The following DNAH6 variants were observed in gnomAD, a reference collection of about 807,000 sequenced individuals.
DNAH6 encodes the protein dynein axonemal heavy chain 6.
In DNAH6, 340 loss-of-function variants were observed where a neutral mutation model predicts 491.4. The observed-to-expected ratio is 0.69, with a 90% CI of 0.63 to 0.76. The LOEUF is 0.76. Among genes scored for constraint, DNAH6 ranks in the 30% least tolerant of loss-of-function variants. The pLI is 0.00. For synonymous variants in DNAH6, 1,603 were observed against 1,686.1 expected, an observed-to-expected ratio of 0.95 and a Z score of 1.21; for missense variants, 4,443 against 4,972.2, an observed-to-expected ratio of 0.89 and a Z score of 3.20.
the DNAH6 span, among the ~76,000 whole-genome samples, chr2:84,509,313 A>T: frequency 2.0e-5 from 3 of 152,120 alleles, no homozygotes; most frequent in Non-Finnish European, 4.4e-5. Context: ...TGTTGAATTG[A>T]TCCCTTTACC....
chr2:84,593,477 C>T (rs139068404), intron 16 of DNAH6, among the ~76,000 whole-genome samples: 1 of 152,178 alleles, frequency 6.6e-6, no homozygotes, highest in Non-Finnish European at 1.5e-5. Flanking sequence ...CCATGGGGTT[C>T]ATATAAAGTC....
intron 57 of DNAH6, 134 bp downstream of exon 57, chr2:84,713,393 C>T: frequency 1.3e-6 from 1 of 780,244 alleles, no homozygotes; most frequent in African/African-American, 1.8e-5. Context: ...ACTCCCCTTT[C>T]TTCCACCATC....
chr2:84,670,533 C>A, intron 39 of DNAH6, 58 bp downstream of exon 39: 3 of 1,124,936 alleles, frequency 2.7e-6, no homozygotes, highest in African/African-American at 1.6e-5. Flanking sequence ...TAATAAATGA[C>A]ATAAATAGTG....
intron 45 of DNAH6, among the ~76,000 whole-genome samples, chr2:84,690,738 G>A (rs1694770142): frequency 1.3e-5 from 2 of 152,176 alleles, no homozygotes; most frequent in Admixed American, 1.3e-4. Flanking sequence ...CAGTAGTTAG[G>A]AATCAGAGAA....
At chr2:84,758,170 G>A (rs1014308685) in intron 63 of DNAH6, among the ~76,000 whole-genome samples, 6 of 152,082 alleles carry the variant, frequency 3.9e-5, no homozygotes, top group African/African-American at 7.2e-5. Flanking sequence ...TCCTGTTTGC[G>A]AGAAAAATAT....
At chr2:84,790,385 T>C (rs1445868388) in intron 68 of DNAH6, among the ~76,000 whole-genome samples, 1 of 152,066 alleles carries the variant, frequency 6.6e-6, no homozygotes, top group Admixed American at 6.5e-5. Context: ...AAAAAATAAA[T>C]TGGACTTCAT....
chr2:84,643,218 G>A (rs898581587), intron 33 of DNAH6, among the ~76,000 whole-genome samples: 1 of 151,776 alleles, frequency 6.6e-6, no homozygotes, highest in East Asian at 1.9e-4. Flanking sequence ...AGTTTCTGAG[G>A]AAAAGTCAAA....
chr2:84,630,414 A>C (rs1305967854), intron 29 of DNAH6, among the ~76,000 whole-genome samples: 1 of 152,162 alleles, frequency 6.6e-6, no homozygotes, highest in Non-Finnish European at 1.5e-5. Context: ...CAACCTAATG[A>C]ATCTAATGGA....
intron 11 of DNAH6, among the ~76,000 whole-genome samples, chr2:84,569,874 G>C (rs1681598959): frequency 6.6e-6 from 1 of 152,126 alleles, no homozygotes; most frequent in Non-Finnish European, 1.5e-5. Context: ...TTGTTGCATT[G>C]GAATAGAGTT....
At chr2:84,754,465 G>C (rs370117902) in intron 63 of DNAH6, among the ~76,000 whole-genome samples, 38 of 152,326 alleles carry the variant, frequency 2.5e-4, no homozygotes, top group African/African-American at 8.4e-4. Context: ...ACAGGCCTGA[G>C]CCACCACGCC....
At chr2:84,796,561 GC>G in intron 69 of DNAH6, 136 bp downstream of exon 69, 1 of 600,334 alleles carries the variant, frequency 1.7e-6, no homozygotes, top group Non-Finnish European at 2.7e-6. Context: ...CCCATGCTTG[GC>G]CACCTTCAGA....
intron 62 of DNAH6, among the ~76,000 whole-genome samples, chr2:84,740,202 G>A (rs972435901): frequency 3.4e-4 from 51 of 152,126 alleles, no homozygotes; most frequent in African/African-American, 1.2e-3. Context: ...TTTCTCAGAG[G>A]TTGTTTGTTG....
chr2:84,569,760 T>A (rs1345194379), intron 11 of DNAH6, among the ~76,000 whole-genome samples: 3 of 152,156 alleles, frequency 2.0e-5, no homozygotes, highest in Non-Finnish European at 2.9e-5. Flanking sequence ...TTATTTAGAG[T>A]TGAGCAAAAT....
At chr2:84,757,161 T>C (rs1382015537) in intron 63 of DNAH6, among the ~76,000 whole-genome samples, 1 of 152,158 alleles carries the variant, frequency 6.6e-6, no homozygotes, top group Admixed American at 6.5e-5. Flanking sequence ...TCCATGAGAA[T>C]AGGACAGAAA....
At chr2:84,777,721 T>C in intron 64 of DNAH6, 1 of 832,152 alleles carries the variant, frequency 1.2e-6, no homozygotes, top group Non-Finnish European at 2.1e-6. Context: ...CTCCCAGCCC[T>C]TCCCCCATCA....
At chr2:84,633,320 A>C (rs1327416874) in intron 29 of DNAH6, among the ~76,000 whole-genome samples, 1 of 151,964 alleles carries the variant, frequency 6.6e-6, no homozygotes, top group East Asian at 1.9e-4. Flanking sequence ...ATATCTCCCC[A>C]AGGCAGATCT....
chr2:84,588,668 T>C (rs1683797427), intron 15 of DNAH6, among the ~76,000 whole-genome samples, 158 bp from the exon 16 acceptor site: 1 of 152,230 alleles, frequency 6.6e-6, no homozygotes. Flanking sequence ...TATGCATTGC[T>C]TTAAAATTCA....
chr2:84,624,737 A>G (rs1444134716), intron 28 of DNAH6, 117 bp downstream of exon 28: 2 of 1,300,786 alleles, frequency 1.5e-6, no homozygotes, highest in African/African-American at 3.0e-5. Flanking sequence ...ACATCTTTGT[A>G]AAGCAAATAT....
At chr2:84,663,211 C>T (rs1055812362) in intron 37 of DNAH6, among the ~76,000 whole-genome samples, 5 of 152,154 alleles carry the variant, frequency 3.3e-5, no homozygotes, top group Admixed American at 2.6e-4. Context: ...AGCTCCTCGC[C>T]AGCAATGGAA....
Sources: gnomAD v4.1 joint callset for allele counts (sites outside exome capture counted in the v4.1 genomes callset) on GRCh38, gnomAD v4.1.1 for gene constraint, MANE v1.5 for transcripts, NCBI Gene and HGNC (gene_info 2026-07-23, HGNC 2026-07-21) for gene names.